GASK1A: variants seen among roughly 807,000 people sequenced by gnomAD.
GASK1A encodes golgi associated kinase 1A.
In GASK1A, 40 loss-of-function variants were observed where a neutral mutation model predicts 41.2. The observed-to-expected ratio is 0.97, with a 90% CI of 0.75 to 1.27. The LOEUF (loss-of-function observed/expected upper bound fraction) is 1.27. Among genes scored for constraint, GASK1A ranks in the 50% most tolerant of loss-of-function variants. The pLI is 0.00. For synonymous variants in GASK1A, 316 were observed against 307.1 expected (o/e 1.03, Z -0.30); for missense variants, 678 against 745.1 (o/e 0.91, Z 1.05).
intron 1 of GASK1A, among the ~76,000 whole-genome samples, chr3:42,982,043 A>G (rs997040669): frequency 7.2e-5 from 11 of 152,162 alleles, no homozygotes; most frequent in African/African-American, 2.7e-4. Context: ...GAATCCTTAA[A>G]TGTCCTTTTG....
chr3:43,022,861 T>A lies in GASK1A; in HGVS notation c.4-9406T>A, dbSNP rs117455951. Among the ~76,000 whole-genome samples, 130 of 152,276 alleles carry A rather than the reference T, an allele frequency of 8.5e-4. 2 individuals are homozygous for A. In the East Asian group the frequency reaches 0.023, roughly 26 times the overall value. On this transcript the variant is annotated intron_variant, in intron 1 of 4. Coordinates refer to ENST00000430121, the MANE Select transcript of GASK1A (RefSeq NM_001129908.3). ...AAAGGATGAAGGATGAGTAAAGAAA[T>A]CATGGCACATTTACATTGTGAAATA...
rs557982888 is a variant in GASK1A, at chr3:43,005,528, A to G, written c.3+25883A>G. On this transcript the variant is annotated intron_variant, in intron 1 of 4. Coordinates refer to ENST00000430121, the MANE Select transcript of GASK1A (RefSeq NM_001129908.3). ...TAGTAACTTAGTAGCTGTCTCAGTT[A>G]TCAGATGGCTATTGGAGTACTGCAT... 1.1e-4 allele frequency among the ~76,000 whole-genome samples: 17 copies of G among 152,292 alleles called. No individual in the cohort carries two copies. In the South Asian group the frequency reaches 3.5e-3, roughly 32 times the overall value.
chr3:43,010,024 T>G (rs1011133273), intron 1 of GASK1A, among the ~76,000 whole-genome samples: 1 of 152,172 alleles, frequency 6.6e-6, no homozygotes, highest in African/African-American at 2.4e-5. Flanking sequence ...GCACAATTTT[T>G]CTGGGGAGCA....
At chr3:43,056,151 C>G (rs140295770) in intron 4 of GASK1A, 25 bp from the exon 5 acceptor site, 2 of 1,515,828 alleles carry the variant, frequency 1.3e-6, no homozygotes, top group Non-Finnish European at 1.8e-6. Flanking sequence ...CTTTCTGTTA[C>G]GGGGCTCTGG....
At chr3:43,012,398 G>A (rs901305899) in intron 1 of GASK1A, among the ~76,000 whole-genome samples, 3 of 151,828 alleles carry the variant, frequency 2.0e-5, no homozygotes, top group Non-Finnish European at 4.4e-5. Flanking sequence ...CACAAGTAGG[G>A]GCAGGGTGAA....
chr3:43,040,553 A>C (rs1260396707), intron 2 of GASK1A, among the ~76,000 whole-genome samples: 1 of 151,976 alleles, frequency 6.6e-6, no homozygotes, highest in Non-Finnish European at 1.5e-5. Context: ...GAGCATTTAC[A>C]CCCTGAAATA....
chr3:43,033,958 A>C (rs192151655), intron 2 of GASK1A, among the ~76,000 whole-genome samples: 1 of 152,342 alleles, frequency 6.6e-6, no homozygotes, highest in Non-Finnish European at 1.5e-5. Context: ...ATGGTGTGCC[A>C]CTGCACATCT....
intron 2 of GASK1A, among the ~76,000 whole-genome samples, chr3:43,038,567 T>C (rs2089616330): frequency 6.8e-6 from 1 of 148,018 alleles, no homozygotes; most frequent in African/African-American, 2.5e-5. Context: ...TATTAGCAAA[T>C]ATGAAATTCT....
chr3:43,004,457 G>A (rs750930224), intron 1 of GASK1A, among the ~76,000 whole-genome samples: 6 of 152,180 alleles, frequency 3.9e-5, no homozygotes, highest in Middle Eastern at 6.8e-3. Flanking sequence ...ATGAGTGATC[G>A]TCACACAAGA....
chr3:43,045,162 A>G (rs1339624049), intron 2 of GASK1A, among the ~76,000 whole-genome samples: 1 of 152,194 alleles, frequency 6.6e-6, no homozygotes, highest in Non-Finnish European at 1.5e-5. Context: ...GAGCATGTTT[A>G]CTAGCCTGGG....
At chr3:42,994,875 A>G (rs569368184) in intron 1 of GASK1A, among the ~76,000 whole-genome samples, 1 of 152,310 alleles carries the variant, frequency 6.6e-6, no homozygotes, top group East Asian at 1.9e-4. Context: ...ATATTCAAAT[A>G]TCTCCAGAGT....
intron 2 of GASK1A, 109 bp downstream of exon 2, chr3:43,033,662 T>A (rs1396580431): frequency 9.3e-7 from 1 of 1,076,308 alleles, no homozygotes; most frequent in East Asian, 2.7e-5. Context: ...CCCCAAGTCT[T>A]GGTTTTTTGA....
intron 1 of GASK1A, among the ~76,000 whole-genome samples, chr3:42,982,391 A>T (rs1210291705): frequency 6.6e-6 from 1 of 152,236 alleles, no homozygotes; most frequent in African/African-American, 2.4e-5. Context: ...TTCTACAGGA[A>T]CCATGATTAT....
intron 1 of GASK1A, among the ~76,000 whole-genome samples, chr3:43,007,696 T>C (rs1485317375): frequency 2.0e-5 from 3 of 152,174 alleles, no homozygotes; most frequent in African/African-American, 7.2e-5. Context: ...CTCTTTATCC[T>C]TAGAGGTTTG....
chr3:43,036,930 G>A (rs1266860954), intron 2 of GASK1A, among the ~76,000 whole-genome samples: 1 of 152,122 alleles, frequency 6.6e-6, no homozygotes, highest in African/African-American at 2.4e-5. Context: ...ACTGTAATAG[G>A]CTCCTGACCC....
intron 1 of GASK1A, among the ~76,000 whole-genome samples, chr3:43,003,348 A>G (rs1423088072): frequency 6.6e-6 from 1 of 152,162 alleles, no homozygotes; most frequent in Non-Finnish European, 1.5e-5. Flanking sequence ...TACAAAAATT[A>G]GCCAGGCATG....
chr3:43,022,060 G>A (rs953867750), intron 1 of GASK1A, among the ~76,000 whole-genome samples: 12 of 152,194 alleles, frequency 7.9e-5, no homozygotes, highest in Admixed American at 6.5e-5. Context: ...TAGAATTGAG[G>A]GGAGGAGGTG....
At chr3:42,992,546 C>G (rs971833035) in intron 1 of GASK1A, among the ~76,000 whole-genome samples, 1 of 152,142 alleles carries the variant, frequency 6.6e-6, no homozygotes, top group African/African-American at 2.4e-5. Context: ...GAGGATCCTT[C>G]AGTGCAACAA....
intron 1 of GASK1A, among the ~76,000 whole-genome samples, chr3:43,020,578 A>G (rs1327783631): frequency 1.3e-5 from 2 of 152,216 alleles, no homozygotes; most frequent in African/African-American, 4.8e-5. Flanking sequence ...GATGCCACCA[A>G]AAGGTGTGTA....
Sources: gnomAD v4.1 joint callset for allele counts (sites outside exome capture counted in the v4.1 genomes callset) on GRCh38, gnomAD v4.1.1 for gene constraint, MANE v1.5 for transcripts, NCBI Gene and HGNC (gene_info 2026-07-23, HGNC 2026-07-21) for gene names.